The following CSMD1 variants were observed in gnomAD, a reference collection of about 807,000 sequenced individuals.
CSMD1 encodes CUB and Sushi multiple domains 1, also known as CUB and sushi domain-containing protein 1.
CSMD1 carries 213 observed loss-of-function variants against 417.5 expected under a neutral mutation model. That is an observed-to-expected ratio of 0.51 (90% CI 0.46 to 0.57). CSMD1 has a LOEUF of 0.57. CSMD1 is among the 20% of genes least tolerant of loss of function. The pLI is 0.00. For missense variants in CSMD1, 6,923 were observed against 4,529.7 expected (o/e 1.53, Z -15.17); for synonymous variants, 2,862 against 1,736.8 (o/e 1.65, Z -16.11).
chr8:3,220,360 T>C (rs1296321372), intron 28 of CSMD1, among the ~76,000 whole-genome samples: 1 of 151,950 alleles, frequency 6.6e-6, no homozygotes, highest in African/African-American at 2.4e-5. Flanking sequence ...CCCCAAAGAG[T>C]GTAACAATTT....
intron 3 of CSMD1, among the ~76,000 whole-genome samples, chr8:4,246,085 T>C (rs889022839): frequency 4.6e-5 from 7 of 152,140 alleles, no homozygotes; most frequent in African/African-American, 1.7e-4. Context: ...TTAAGTAAAC[T>C]TATGTCATGG....
intron 12 of CSMD1, among the ~76,000 whole-genome samples, chr8:3,448,577 G>C (rs571694522): frequency 1.3e-5 from 2 of 152,192 alleles, no homozygotes; most frequent in East Asian, 3.9e-4. Flanking sequence ...AGGAGTTGCT[G>C]TAAGTCCATG....
intron 26 of CSMD1, among the ~76,000 whole-genome samples, chr8:3,242,147 G>C (rs1163101401): frequency 6.6e-6 from 1 of 151,852 alleles, no homozygotes; most frequent in Non-Finnish European, 1.5e-5. Flanking sequence ...CACCTTTTAA[G>C]AGTAAATTGC....
intron 3 of CSMD1, among the ~76,000 whole-genome samples, chr8:4,354,328 A>T (rs538345941): frequency 3.3e-5 from 5 of 152,164 alleles, no homozygotes; most frequent in African/African-American, 7.2e-5. Context: ...TCAACTGTAT[A>T]ATCTCTTTTG....
At chr8:4,188,424 C>G (rs1042876798) in intron 3 of CSMD1, among the ~76,000 whole-genome samples, 2 of 152,084 alleles carry the variant, frequency 1.3e-5, no homozygotes, top group Non-Finnish European at 2.9e-5. Context: ...ATTATTTCGG[C>G]AGATACAAGT....
chr8:3,893,457 C>G (rs890659457), intron 5 of CSMD1, among the ~76,000 whole-genome samples: 6 of 150,102 alleles, frequency 4.0e-5, no homozygotes, highest in Admixed American at 1.3e-4. Context: ...AGTATGATAG[C>G]TTTTGCAAAG....
chr8:4,590,482 TA>T (rs1322770586), intron 2 of CSMD1, among the ~76,000 whole-genome samples: 1 of 152,212 alleles, frequency 6.6e-6, no homozygotes, highest in East Asian at 1.9e-4. Flanking sequence ...AGAATGTAAA[TA>T]AAATTTATAG....
Position 3,994,206 on chromosome 8 carries a change from C to T in CSMD1, c.818+3697G>A, listed in dbSNP as rs188643707. On this transcript the variant is annotated intron_variant, in intron 5 of 69. Transcript: ENST00000635120. ...TCTTTTTCCTTACCTTCTCTATCCT[C>T]TACACATTCCCTGTCACAGAAGGGT... Among the ~76,000 whole-genome samples the T allele has an allele frequency of 3.3e-5, 5 of 152,110 alleles. No individual in the cohort carries two copies. In the East Asian group the frequency reaches 9.7e-4, roughly 29 times the overall value.
chr8:3,518,108 T>G (rs1237178991), intron 10 of CSMD1, among the ~76,000 whole-genome samples: 1 of 151,980 alleles, frequency 6.6e-6, no homozygotes, highest in African/African-American at 2.4e-5. Flanking sequence ...GACTATAGAT[T>G]ATAACTACAA....
chr8:3,981,238 C>T (rs751464674), intron 5 of CSMD1, among the ~76,000 whole-genome samples: 2 of 152,116 alleles, frequency 1.3e-5, no homozygotes, highest in Non-Finnish European at 2.9e-5. Flanking sequence ...TGAAGTAACT[C>T]AGGCGTTGAA....
At chr8:3,901,475 A>G (rs549280703) in intron 5 of CSMD1, among the ~76,000 whole-genome samples, 76 of 152,254 alleles carry the variant, frequency 5.0e-4, no homozygotes, top group Admixed American at 2.4e-3. Flanking sequence ...CACTTGATAG[A>G]TCTCACACAT....
intron 2 of CSMD1, among the ~76,000 whole-genome samples, chr8:4,501,766 G>A (rs1050183181): frequency 6.6e-6 from 1 of 152,116 alleles, no homozygotes; most frequent in African/African-American, 2.4e-5. Flanking sequence ...TGCAGCATTT[G>A]TGTTCAAGTT....
chr8:4,847,837 G>A (rs1444729073), intron 1 of CSMD1, among the ~76,000 whole-genome samples: 1 of 147,410 alleles, frequency 6.8e-6, no homozygotes, highest in Non-Finnish European at 1.5e-5. Context: ...CCTATTTAAA[G>A]TATAAATTTC....
intron 2 of CSMD1, among the ~76,000 whole-genome samples, chr8:4,541,282 C>A (rs1307689214): frequency 6.6e-6 from 1 of 152,178 alleles, no homozygotes; most frequent in East Asian, 1.9e-4. Context: ...CCAGGATCTA[C>A]TGGCACGTGC....
chr8:4,154,879 G>A (rs551326109), intron 3 of CSMD1, among the ~76,000 whole-genome samples: 4 of 152,286 alleles, frequency 2.6e-5, no homozygotes, highest in Non-Finnish European at 2.9e-5. Flanking sequence ...CTGCATCACA[G>A]TCCACAAATA....
intron 3 of CSMD1, among the ~76,000 whole-genome samples, chr8:4,240,940 C>A (rs2128821542): frequency 6.6e-6 from 1 of 152,272 alleles, no homozygotes; most frequent in Non-Finnish European, 1.5e-5. Flanking sequence ...TTACCAACTT[C>A]TGACAATTAT....
At position 3,071,421 on chromosome 8, in the gene CSMD1, T is replaced by C. The variant is rs56906708; in HGVS notation, c.7474+15676A>G. ...ATGAATGCAGGGCTTAAAACCAAGA[T>C]GGTGAGTTGACAGATGCAGCAAACC... On this transcript the variant is annotated intron_variant, in intron 49 of 69. Coordinates refer to ENST00000635120, the MANE Select transcript of CSMD1 (RefSeq NM_033225.6). Among the ~76,000 whole-genome samples the C allele has an allele frequency of 1.0e-2, 1,521 of 152,132 alleles. 31 individuals carry two copies. The highest frequency in any genetic ancestry group is 0.035 in the African/African-American group (1,439 of 41,486).
intron 3 of CSMD1, among the ~76,000 whole-genome samples, chr8:4,293,506 C>T (rs1266171183): frequency 6.6e-6 from 1 of 152,102 alleles, no homozygotes; most frequent in Non-Finnish European, 1.5e-5. Flanking sequence ...TCTTTTTATA[C>T]TTACTTTAAA....
chr8:3,793,906 G>C (rs918016043), intron 5 of CSMD1, among the ~76,000 whole-genome samples: 10 of 152,190 alleles, frequency 6.6e-5, no homozygotes, highest in Middle Eastern at 3.4e-3. Flanking sequence ...GTTCCCTTTG[G>C]AATTGCTGTG....
Sources: gnomAD v4.1 joint callset for allele counts (sites outside exome capture counted in the v4.1 genomes callset) on GRCh38, gnomAD v4.1.1 for gene constraint, MANE v1.5 for transcripts, NCBI Gene and HGNC (gene_info 2026-07-23, HGNC 2026-07-21) for gene names.